PIP4K2A: variants seen among roughly 807,000 people sequenced by gnomAD.
PIP4K2A encodes the protein phosphatidylinositol 5-phosphate 4-kinase type-2 alpha.
PIP4K2A carries 14 observed loss-of-function variants against 42.9 expected under a neutral mutation model. The ratio of observed to expected loss-of-function variants is 0.33; its 90% CI spans 0.22 to 0.51. PIP4K2A has a LOEUF of 0.51. Among genes scored for constraint, PIP4K2A ranks in the 20% least tolerant of loss-of-function variants. The pLI is 0.97. For synonymous variants in PIP4K2A, 192 were observed against 192.2 expected (o/e 1.00, Z 0.01); for missense variants, 434 against 519.8 (o/e 0.83, Z 1.61).
intron 1 of PIP4K2A, among the ~76,000 whole-genome samples, chr10:22,649,507 C>A (rs1436000095): frequency 6.6e-6 from 1 of 152,180 alleles, no homozygotes; most frequent in Non-Finnish European, 1.5e-5. Context: ...CGGCACAGTG[C>A]AAGGGGCCAA....
rs1003029693 is a variant in PIP4K2A at position 22,683,344 on chromosome 10, A to C, written c.144+30839T>G. Among the ~76,000 whole-genome samples, 4 of 152,142 alleles carry C rather than the reference A, an allele frequency of 2.6e-5. No homozygotes were observed. In the East Asian group the frequency reaches 7.7e-4, roughly 29 times the overall value. ...TTTTCACAGTGATCCTAAGTCTTCC[A>C]TGCTGTGGTACAGACCCCAAGTTTT... On this transcript the variant is annotated intron_variant, in intron 1 of 9. Transcript: ENST00000376573.
intron 5 of PIP4K2A, among the ~76,000 whole-genome samples, chr10:22,568,637 C>T (rs1564424449): frequency 6.6e-6 from 1 of 152,178 alleles, no homozygotes; most frequent in Non-Finnish European, 1.5e-5. Context: ...TGCCTTAGAG[C>T]TCTGGGTTGT....
chr10:22,559,630 C>A (rs940053311), intron 6 of PIP4K2A, among the ~76,000 whole-genome samples: 1 of 152,146 alleles, frequency 6.6e-6, no homozygotes, highest in African/African-American at 2.4e-5. Context: ...GGGTTCTTAT[C>A]TATATTTGCT....
At chr10:22,704,651 G>GAAAA (rs113174364) in intron 1 of PIP4K2A, among the ~76,000 whole-genome samples, 3 of 64,190 alleles carry the variant, frequency 4.7e-5, no homozygotes, top group African/African-American at 1.7e-4. Context: ...GACCTCATCT[G>GAAAA]AAAAAAAAAA....
chr10:22,567,786 A>C (rs1836883410), intron 6 of PIP4K2A, 65 bp downstream of exon 6: 1 of 1,317,918 alleles, frequency 7.6e-7, no homozygotes, highest in Non-Finnish European at 1.1e-6. Context: ...AATAAAGAGT[A>C]AAGGTGATTG....
intron 1 of PIP4K2A, among the ~76,000 whole-genome samples, chr10:22,709,077 T>C (rs1833869184): frequency 6.6e-6 from 1 of 151,700 alleles, no homozygotes; most frequent in African/African-American, 2.4e-5. Context: ...ATGAGCCACC[T>C]ACCCAGCAGC....
chr10:22,660,093 T>A (rs753069406), intron 1 of PIP4K2A, among the ~76,000 whole-genome samples: 1 of 152,140 alleles, frequency 6.6e-6, no homozygotes. Context: ...GGGCCCCTAG[T>A]AGACATGAAA....
intron 3 of PIP4K2A, among the ~76,000 whole-genome samples, chr10:22,600,179 C>T (rs184176958): frequency 3.3e-5 from 5 of 152,042 alleles, no homozygotes; most frequent in African/African-American, 9.6e-5. Flanking sequence ...GAACTAATCA[C>T]GTAAGTCTTG....
chr10:22,581,073 T>A (rs1220843894), intron 4 of PIP4K2A, among the ~76,000 whole-genome samples: 1 of 152,218 alleles, frequency 6.6e-6, no homozygotes, highest in Non-Finnish European at 1.5e-5. Flanking sequence ...TAAGTGGGCT[T>A]ATTCTCCTGT....
At chr10:22,629,544 A>G (rs569657334) in intron 1 of PIP4K2A, among the ~76,000 whole-genome samples, 10 of 152,364 alleles carry the variant, frequency 6.6e-5, no homozygotes, top group Admixed American at 2.0e-4. Flanking sequence ...GTAATATATA[A>G]ACAACACTGA....
chr10:22,667,195 C>T (rs1433196448), intron 1 of PIP4K2A, among the ~76,000 whole-genome samples: 1 of 152,076 alleles, frequency 6.6e-6, no homozygotes, highest in East Asian at 1.9e-4. Context: ...TCACATGATG[C>T]TTAAAAGAGC....
intron 1 of PIP4K2A, among the ~76,000 whole-genome samples, chr10:22,703,109 A>C (rs779148188): frequency 6.6e-6 from 1 of 152,176 alleles, no homozygotes; most frequent in African/African-American, 2.4e-5. Flanking sequence ...CCAACCATCC[A>C]AAGATCTGAG....
chr10:22,538,442 T>C (rs1378865764), intron 9 of PIP4K2A, among the ~76,000 whole-genome samples: 1 of 151,600 alleles, frequency 6.6e-6, no homozygotes, highest in Non-Finnish European at 1.5e-5. Flanking sequence ...TTACAAAGCA[T>C]TTGTCCAGAC....
At position 22,714,448 on chromosome 10, in the gene PIP4K2A, C is replaced by T; in HGVS notation, c.-122G>A. ...GGCGGCCCCGGCGCGCCGCGCTCCG[C>T]TCCGCCCGCCGCCGCCGGCGCGCTC... On this transcript the variant is annotated 5_prime_UTR_variant, in exon 1 of 10. Coordinates refer to ENST00000376573, the MANE Select transcript of PIP4K2A (RefSeq NM_005028.5). 1 of 523,572 alleles carries T rather than the reference C, an allele frequency of 1.9e-6. No homozygotes were observed. The highest frequency in any genetic ancestry group is 8.0e-5 in the South Asian group (1 of 12,516). The allele number at this position is 523,572 out of a possible 1,614,324, so 32.4% of individuals were successfully genotyped here.
intron 1 of PIP4K2A, among the ~76,000 whole-genome samples, chr10:22,634,638 G>C (rs1156882410): frequency 6.6e-6 from 1 of 152,160 alleles, no homozygotes; most frequent in Non-Finnish European, 1.5e-5. Flanking sequence ...ATGCACTTAT[G>C]TATTCCTGTC....
At chr10:22,549,751 G>C (rs1015581095) in intron 7 of PIP4K2A, among the ~76,000 whole-genome samples, 3 of 147,148 alleles carry the variant, frequency 2.0e-5, no homozygotes, top group African/African-American at 7.5e-5. Context: ...TGAGGCGGGA[G>C]AATGGCGTGA....
At chr10:22,613,157 A>G (rs1250864033) in intron 1 of PIP4K2A, among the ~76,000 whole-genome samples, 2 of 152,070 alleles carry the variant, frequency 1.3e-5, no homozygotes, top group East Asian at 3.9e-4. Flanking sequence ...AGGGACTGGG[A>G]AATGTCAGCC....
At chr10:22,537,316 G>C in intron 9 of PIP4K2A, 35 bp from the exon 10 acceptor site, 1 of 1,494,272 alleles carries the variant, frequency 6.7e-7, no homozygotes, top group Non-Finnish European at 9.2e-7. Flanking sequence ...TATTGACATA[G>C]TGTTTATGAT....
intron 1 of PIP4K2A, among the ~76,000 whole-genome samples, chr10:22,626,085 C>T (rs1348686587): frequency 3.3e-5 from 5 of 152,040 alleles, no homozygotes; most frequent in African/African-American, 1.2e-4. Context: ...TGCGTGGTCC[C>T]GCTGAGTCTT....
Sources: gnomAD v4.1 joint callset for allele counts (sites outside exome capture counted in the v4.1 genomes callset) on GRCh38, gnomAD v4.1.1 for gene constraint, MANE v1.5 for transcripts, NCBI Gene and HGNC (gene_info 2026-07-23, HGNC 2026-07-21) for gene names.